SPATA31H1: variants seen among roughly 807,000 people sequenced by gnomAD.
SPATA31H1 encodes the protein SPATA31 subfamily H member 1.
chr2:27,551,258 TGAAA>T, the SPATA31H1 span, among the ~76,000 whole-genome samples: 1 of 152,042 alleles, frequency 6.6e-6, no homozygotes, highest in East Asian at 1.9e-4. Context: ...TCTGTGTTCA[TGAAA>T]GAGATTGGCT....
the SPATA31H1 span, among the ~76,000 whole-genome samples, chr2:27,555,479 A>G: frequency 1.3e-5 from 2 of 151,656 alleles, no homozygotes; most frequent in African/African-American, 4.9e-5. Context: ...TGAGACCAGC[A>G]TGGGAAACAC....
At chr2:27,559,606 A>AT in the SPATA31H1 span, among the ~76,000 whole-genome samples, 2 of 151,276 alleles carry the variant, frequency 1.3e-5, no homozygotes, top group Non-Finnish European at 3.0e-5. Context: ...TTTTCTTTCC[A>AT]TTTTTTCCCC....
At chr2:27,550,890 T>A in the SPATA31H1 span, among the ~76,000 whole-genome samples, 1 of 151,378 alleles carries the variant, frequency 6.6e-6, no homozygotes. Context: ...TTTCTTTTCT[T>A]TTTCTTCTTT....
the SPATA31H1 span, chr2:27,569,514 T>C: frequency 2.5e-6 from 1 of 398,856 alleles, no homozygotes; most frequent in Non-Finnish European, 4.4e-6. Flanking sequence ...AACCAGTGAG[T>C]CATCTCCATT....
chr2:27,563,620 C>T, the SPATA31H1 span, among the ~76,000 whole-genome samples: 8 of 150,940 alleles, frequency 5.3e-5, no homozygotes, highest in East Asian at 7.8e-4. Flanking sequence ...AGTTCAGTGG[C>T]GTGATCTCAG....
chr2:27,554,300 T>C, the SPATA31H1 span, among the ~76,000 whole-genome samples: 2 of 152,070 alleles, frequency 1.3e-5, no homozygotes, highest in Admixed American at 6.5e-5. Context: ...CTTCTCATTA[T>C]GCATTTTTTG....
the SPATA31H1 span, among the ~76,000 whole-genome samples, chr2:27,545,165 G>A: frequency 6.6e-6 from 1 of 151,752 alleles, no homozygotes; most frequent in African/African-American, 2.4e-5. Context: ...TGGGACTACA[G>A]GCATGCACCA....
the SPATA31H1 span, chr2:27,574,838 A>G: frequency 5.0e-6 from 2 of 398,562 alleles, no homozygotes; most frequent in Non-Finnish European, 8.9e-6. Context: ...CAGAGCTTCA[A>G]GATGTAAAAT....
the SPATA31H1 span, chr2:27,569,518 C>A: frequency 7.5e-6 from 3 of 398,912 alleles, no homozygotes; most frequent in Non-Finnish European, 8.9e-6. Context: ...AGTGAGTCAT[C>A]TCCATTATTG....
chr2:27,551,049 C>A, the SPATA31H1 span, among the ~76,000 whole-genome samples: 1 of 151,698 alleles, frequency 6.6e-6, no homozygotes, highest in Non-Finnish European at 1.5e-5. Context: ...CCACCATACT[C>A]GGCTAAGTTT....
the SPATA31H1 span, chr2:27,567,229 G>T: frequency 1.6e-6 from 1 of 618,970 alleles, no homozygotes. Flanking sequence ...GAGAGACCAC[G>T]ACTTCCAAGG....
the SPATA31H1 span, chr2:27,578,348 A>G: frequency 6.2e-7 from 1 of 1,614,184 alleles, no homozygotes; most frequent in South Asian, 1.1e-5. Context: ...AAACTATGTT[A>G]ATCCCAGGGC....
At chr2:27,562,669 G>A in the SPATA31H1 span, among the ~76,000 whole-genome samples, 4 of 151,362 alleles carry the variant, frequency 2.6e-5, no homozygotes, top group African/African-American at 4.8e-5. Flanking sequence ...GGTGGATCAC[G>A]AGGTCAGGAG....
chr2:27,555,864 T>A, the SPATA31H1 span, among the ~76,000 whole-genome samples: 13 of 152,132 alleles, frequency 8.5e-5, no homozygotes, highest in African/African-American at 3.1e-4. Flanking sequence ...CTGGGTGCGG[T>A]GGCTCACGCC....
At chr2:27,561,502 A>G in the SPATA31H1 span, among the ~76,000 whole-genome samples, 1 of 152,066 alleles carries the variant, frequency 6.6e-6, no homozygotes, top group Non-Finnish European at 1.5e-5. Context: ...TTTTTCAGCA[A>G]TTATGCCTAT....
chr2:27,579,894 C>G, the SPATA31H1 span: 2 of 1,614,206 alleles, frequency 1.2e-6, no homozygotes, highest in African/African-American at 2.7e-5. Context: ...CGATGTGCCT[C>G]CACCTCTAGC....
At chr2:27,537,645 A>T in the SPATA31H1 span, 5 of 681,828 alleles carry the variant, frequency 7.3e-6, no homozygotes, top group Admixed American at 6.7e-5. Context: ...ACTTTGGGCC[A>T]TGGGAGGAAC....
chr2:27,581,885 G>A, the SPATA31H1 span: 3 of 1,611,656 alleles, frequency 1.9e-6, no homozygotes, highest in African/African-American at 1.3e-5. Flanking sequence ...GTCCCTCTGA[G>A]AGAAGACATC....
the SPATA31H1 span, chr2:27,537,412 G>A: frequency 1.4e-6 from 1 of 716,872 alleles, no homozygotes; most frequent in South Asian, 1.5e-5. Context: ...GCTGAGAAGA[G>A]CATGGGGTTG....
Sources: gnomAD v4.1 joint callset for allele counts (sites outside exome capture counted in the v4.1 genomes callset) on GRCh38, gnomAD v4.1.1 for gene constraint, MANE v1.5 for transcripts, NCBI Gene and HGNC (gene_info 2026-07-23, HGNC 2026-07-21) for gene names.